Variants in LUZP2 observed in about 807,000 individuals in gnomAD.
The protein encoded by LUZP2 is leucine zipper protein 2.
Under a neutral mutation model 51.6 loss-of-function variants are expected in LUZP2, and 52 were observed. The ratio of observed to expected loss-of-function variants is 1.01; its 90% CI spans 0.81 to 1.27. The LOEUF (loss-of-function observed/expected upper bound fraction) is 1.27, where lower values mean the gene tolerates loss of function less well. Ranked by LOEUF, LUZP2 falls within the 50% of genes most tolerant of loss-of-function variation. The pLI is 0.00. For missense variants in LUZP2, 436 were observed against 395.4 expected, an observed-to-expected ratio of 1.10 and a Z score of -0.87; for synonymous variants, 154 against 137.3, an observed-to-expected ratio of 1.12 and a Z score of -0.85.
At chr11:24,718,516 G>A (rs192184865) in intron 1 of LUZP2, among the ~76,000 whole-genome samples, 68 of 152,288 alleles carry the variant, frequency 4.5e-4, no homozygotes, top group Middle Eastern at 3.4e-3. Context: ...GTATGGCAAG[G>A]ACAGTATTTT....
chr11:24,604,697 G>T (rs78164608), intron 1 of LUZP2, among the ~76,000 whole-genome samples: 1 of 151,664 alleles, frequency 6.6e-6, no homozygotes, highest in African/African-American at 2.4e-5. Flanking sequence ...CAGTCTTTTA[G>T]TTATCTCAAA....
intron 1 of LUZP2, among the ~76,000 whole-genome samples, chr11:24,649,694 T>A (rs1055139505): frequency 6.6e-6 from 1 of 151,874 alleles, no homozygotes; most frequent in African/African-American, 2.4e-5. Context: ...ATCGGGAGTT[T>A]AATTTCTGGG....
chr11:24,648,244 G>A lies in LUZP2; in HGVS notation c.63-80925G>A, dbSNP rs1855521494. 3.3e-5 allele frequency among the ~76,000 whole-genome samples: 5 copies of A among 151,886 alleles called. 1 individual carries two copies. The South Asian group carries it at 1.0e-3, about 31-fold the overall frequency. On this transcript the variant is annotated intron_variant, in intron 1 of 11. Transcript: ENST00000336930. Reference sequence around the variant, plus strand: ...ACTATCGGCACATCTATTCATGTAGGTATCCATGCATACAACCTGGTAATT... The same window carrying A: ...ACTATCGGCACATCTATTCATGTAGATATCCATGCATACAACCTGGTAATT...
intron 5 of LUZP2, among the ~76,000 whole-genome samples, chr11:24,851,152 G>T (rs1851382577): frequency 6.6e-6 from 1 of 152,068 alleles, no homozygotes; most frequent in Admixed American, 6.5e-5. Context: ...ATATTCTGTT[G>T]AATAGAAGTG....
At chr11:24,913,687 G>GTA (rs1448418230) in intron 6 of LUZP2, among the ~76,000 whole-genome samples, 13 of 151,846 alleles carry the variant, frequency 8.6e-5, no homozygotes, top group African/African-American at 3.1e-4. Context: ...GTGTGTGTGT[G>GTA]TGTGTGTGTT....
At chr11:24,787,748 A>C (rs1849288722) in intron 5 of LUZP2, among the ~76,000 whole-genome samples, 1 of 152,206 alleles carries the variant, frequency 6.6e-6, no homozygotes, top group Non-Finnish European at 1.5e-5. Context: ...TATATATAAT[A>C]GTTGTTCTTG....
chr11:24,743,174 C>CT (rs1285528309), intron 4 of LUZP2, among the ~76,000 whole-genome samples: 1 of 152,024 alleles, frequency 6.6e-6, no homozygotes, highest in South Asian at 2.1e-4. Flanking sequence ...TATGAGGGCT[C>CT]TTTTTTGTTT....
chr11:24,949,738 C>T (rs1855021218), intron 7 of LUZP2, among the ~76,000 whole-genome samples: 2 of 151,510 alleles, frequency 1.3e-5, no homozygotes, highest in African/African-American at 4.8e-5. Context: ...TCAGAAGGTT[C>T]GAGTTGGAGA....
intron 5 of LUZP2, among the ~76,000 whole-genome samples, chr11:24,836,231 A>T (rs1850856803): frequency 6.6e-6 from 1 of 151,952 alleles, no homozygotes; most frequent in Admixed American, 6.6e-5. Flanking sequence ...ATACATAAAA[A>T]ATTCATAGCA....
intron 1 of LUZP2, among the ~76,000 whole-genome samples, chr11:24,565,400 G>A (rs1334409787): frequency 2.0e-5 from 3 of 152,116 alleles, no homozygotes; most frequent in Non-Finnish European, 4.4e-5. Flanking sequence ...CATCCTATGA[G>A]CATATAAGGG....
intron 1 of LUZP2, among the ~76,000 whole-genome samples, chr11:24,653,727 A>C (rs1855712212): frequency 6.6e-6 from 1 of 152,194 alleles, no homozygotes; most frequent in Non-Finnish European, 1.5e-5. Context: ...ATTCAAAAGG[A>C]AAGCACACTG....
chr11:24,619,833 A>C (rs1363943781), intron 1 of LUZP2, among the ~76,000 whole-genome samples: 1 of 152,204 alleles, frequency 6.6e-6, no homozygotes, highest in African/African-American at 2.4e-5. Context: ...ATACGTGTTC[A>C]GTACAGATGC....
chr11:24,886,014 C>T (rs1477304167), intron 5 of LUZP2, among the ~76,000 whole-genome samples: 1 of 152,072 alleles, frequency 6.6e-6, no homozygotes, highest in African/African-American at 2.4e-5. Context: ...CATCTGCCAC[C>T]AGTAGGATAA....
chr11:25,073,832 A>G (rs1251176247), intron 10 of LUZP2, among the ~76,000 whole-genome samples: 2 of 152,160 alleles, frequency 1.3e-5, no homozygotes, highest in African/African-American at 4.8e-5. Context: ...CAATAATCAA[A>G]GGAGGAGAAA....
intron 4 of LUZP2, among the ~76,000 whole-genome samples, chr11:24,760,037 G>A (rs1859924814): frequency 6.6e-6 from 1 of 152,258 alleles, no homozygotes; most frequent in South Asian, 2.1e-4. Flanking sequence ...ACAACTTGAA[G>A]TGGTGGGGAG....
intron 1 of LUZP2, among the ~76,000 whole-genome samples, chr11:24,556,995 C>T (rs944459061): frequency 6.6e-6 from 1 of 152,104 alleles, no homozygotes; most frequent in Non-Finnish European, 1.5e-5. Context: ...TGCACTCTAC[C>T]ATTATTAATT....
At chr11:24,794,718 A>G (rs981519785) in intron 5 of LUZP2, among the ~76,000 whole-genome samples, 3 of 152,106 alleles carry the variant, frequency 2.0e-5, no homozygotes, top group Admixed American at 6.6e-5. Context: ...TTTTACATGT[A>G]ATACAAATAA....
chr11:24,603,232 A>G (rs1239450170), intron 1 of LUZP2, among the ~76,000 whole-genome samples: 1 of 151,778 alleles, frequency 6.6e-6, no homozygotes, highest in Non-Finnish European at 1.5e-5. Context: ...CAAGCTTTCA[A>G]GAGTAAGATT....
intron 5 of LUZP2, among the ~76,000 whole-genome samples, chr11:24,846,996 C>T (rs1851223178): frequency 6.6e-6 from 1 of 151,550 alleles, no homozygotes; most frequent in Non-Finnish European, 1.5e-5. Flanking sequence ...ACGTGTACAA[C>T]ACTCTCTCCA....
Sources: allele counts gnomAD v4.1 joint callset (sites outside exome capture counted in the v4.1 genomes callset), GRCh38; gene constraint gnomAD v4.1.1; transcripts MANE v1.5; gene names NCBI Gene and HGNC (gene_info 2026-07-23, HGNC 2026-07-21).